GRM7: variants seen among roughly 807,000 people sequenced by gnomAD.
The protein encoded by GRM7 is metabotropic glutamate receptor 7.
GRM7 carries 35 observed loss-of-function variants against 84.5 expected under a neutral mutation model. That is an observed-to-expected ratio of 0.41 (90% CI 0.32 to 0.55). GRM7 has a LOEUF of 0.55. GRM7 is among the 20% of genes least tolerant of loss of function. The probability of loss-of-function intolerance (pLI) is 0.19; values close to 1 mark genes in which losing one functional copy is unlikely to be tolerated. For synonymous variants in GRM7, 487 were observed against 455.1 expected (o/e 1.07, Z -0.89); for missense variants, 1,003 against 1,194.6 (o/e 0.84, Z 2.36).
intron 2 of GRM7, among the ~76,000 whole-genome samples, chr3:7,259,648 A>T (rs1698333931): frequency 6.6e-6 from 1 of 152,214 alleles, no homozygotes; most frequent in Non-Finnish European, 1.5e-5. Flanking sequence ...ATAGTATTAG[A>T]TGGTGTATAT....
chr3:7,627,158 T>C (rs1697653395), intron 8 of GRM7, among the ~76,000 whole-genome samples: 1 of 152,178 alleles, frequency 6.6e-6, no homozygotes, highest in Admixed American at 6.5e-5. Flanking sequence ...AAACAGAGAT[T>C]GGAAGAGCTA....
At chr3:7,548,990 T>G (rs112751153) in intron 7 of GRM7, among the ~76,000 whole-genome samples, 203 of 152,346 alleles carry the variant, frequency 1.3e-3, no homozygotes, top group Middle Eastern at 3.4e-3. Flanking sequence ...TACTCAGTTT[T>G]CCCAAAGTTT....
chr3:7,588,701 C>G (rs1046310806), intron 8 of GRM7, among the ~76,000 whole-genome samples: 2 of 152,106 alleles, frequency 1.3e-5, no homozygotes, highest in African/African-American at 4.8e-5. Context: ...TTGAAGCTCT[C>G]GATGTCTCTA....
chr3:7,430,996 C>A lies in GRM7; in HGVS notation c.1174+15833C>A, dbSNP rs115884481. Among the ~76,000 whole-genome samples the A allele has an allele frequency of 2.8e-3, 428 of 152,204 alleles. 2 individuals are homozygous for A. The highest frequency in any genetic ancestry group is 9.8e-3 in the African/African-American group (406 of 41,536). ...CCACCTAGACCACTCTGCATTACCC[C>A]CACTGGACTTGAGGGAGTTGTGGGG... On this transcript the variant is annotated intron_variant, in intron 5 of 9. Transcript: ENST00000357716.
intron 2 of GRM7, among the ~76,000 whole-genome samples, chr3:7,295,828 G>T (rs6768211): frequency 1.0e-4 from 11 of 108,180 alleles, no homozygotes; most frequent in Admixed American, 4.0e-4. Flanking sequence ...GCTTTTTTTT[G>T]GGGGGGGGAT....
At chr3:7,108,859 G>A (rs1428084650) in intron 1 of GRM7, among the ~76,000 whole-genome samples, 1 of 152,090 alleles carries the variant, frequency 6.6e-6, no homozygotes, top group Non-Finnish European at 1.5e-5. Context: ...TGCAGATAAA[G>A]TTTCCAATTT....
chr3:6,888,104 G>T lies in GRM7; in HGVS notation c.519+26197G>T, dbSNP rs532878895. 7.6e-3 allele frequency among the ~76,000 whole-genome samples: 1,151 copies of T among 151,822 alleles called. 12 individuals are homozygous for T. Among genetic ancestry groups the T allele is most frequent in the African/African-American group, 0.026 (1,063 of 41,416 alleles). ...TTTGTTTTTTTCTTGTAAATTTGTT[G>T]GAGTTCATTGTAGATTCTGGATATT... is the stretch of plus-strand genomic sequence containing the variant. On this transcript the variant is annotated intron_variant, in intron 1 of 9. Coordinates refer to ENST00000357716, the MANE Select transcript of GRM7 (RefSeq NM_000844.4).
intron 2 of GRM7, among the ~76,000 whole-genome samples, chr3:7,246,176 A>G (rs1697751445): frequency 6.6e-6 from 1 of 152,096 alleles, no homozygotes; most frequent in Admixed American, 6.6e-5. Flanking sequence ...TAGAAGTCAC[A>G]ATTACTAGGT....
chr3:6,916,244 G>A (rs1290360299), intron 1 of GRM7, among the ~76,000 whole-genome samples: 1 of 152,098 alleles, frequency 6.6e-6, no homozygotes, highest in Admixed American at 6.6e-5. Context: ...TGGTACTAAA[G>A]GTACCCACAG....
At chr3:7,583,617 A>G (rs550744045) in intron 8 of GRM7, among the ~76,000 whole-genome samples, 82 of 152,324 alleles carry the variant, frequency 5.4e-4, no homozygotes, top group Admixed American at 1.6e-3. Context: ...AAAACCAATG[A>G]TAGTTTTCGT....
intron 1 of GRM7, among the ~76,000 whole-genome samples, chr3:6,995,750 G>T (rs968134044): frequency 2.0e-5 from 3 of 152,032 alleles, no homozygotes; most frequent in African/African-American, 7.2e-5. Context: ...AAAAAGAAAA[G>T]AAATTATTTT....
chr3:7,386,782 C>G (rs972887896), intron 4 of GRM7, among the ~76,000 whole-genome samples: 1 of 152,124 alleles, frequency 6.6e-6, no homozygotes, highest in Non-Finnish European at 1.5e-5. Context: ...TGGGCATACA[C>G]CCAGTAATTG....
chr3:7,279,097 C>T (rs1289082810), intron 2 of GRM7, among the ~76,000 whole-genome samples: 2 of 151,912 alleles, frequency 1.3e-5, no homozygotes, highest in African/African-American at 4.8e-5. Flanking sequence ...GATAAGAAAA[C>T]GGTATATTAC....
chr3:7,309,118 G>T (rs1449621534), intron 4 of GRM7, among the ~76,000 whole-genome samples: 2 of 152,152 alleles, frequency 1.3e-5, no homozygotes, highest in African/African-American at 2.4e-5. Flanking sequence ...GTACAAAAAT[G>T]CTGTGGCTTC....
intron 5 of GRM7, among the ~76,000 whole-genome samples, chr3:7,427,268 A>G (rs1045263458): frequency 6.6e-6 from 1 of 152,210 alleles, no homozygotes; most frequent in Non-Finnish European, 1.5e-5. Context: ...GAGAACTAAG[A>G]AATGTATTGG....
At chr3:7,729,678 C>T (rs1414210910) in intron 9 of GRM7, among the ~76,000 whole-genome samples, 2 of 151,924 alleles carry the variant, frequency 1.3e-5, no homozygotes, top group Non-Finnish European at 1.5e-5. Flanking sequence ...AATATAAGTG[C>T]CGTGAATAAA....
intron 2 of GRM7, among the ~76,000 whole-genome samples, chr3:7,284,127 A>G (rs1699345467): frequency 6.6e-6 from 1 of 152,168 alleles, no homozygotes; most frequent in Non-Finnish European, 1.5e-5. Context: ...GTTTGAAGGA[A>G]ATTGAGAGAA....
intron 2 of GRM7, among the ~76,000 whole-genome samples, chr3:7,183,814 A>G (rs116072676): frequency 1.3e-3 from 196 of 152,224 alleles, no homozygotes; most frequent in African/African-American, 4.5e-3. Flanking sequence ...AGATACATGC[A>G]CACACACACA....
intron 4 of GRM7, among the ~76,000 whole-genome samples, chr3:7,404,876 C>A (rs761795017): frequency 6.6e-6 from 1 of 151,932 alleles, no homozygotes; most frequent in African/African-American, 2.4e-5. Flanking sequence ...TGCAATACAC[C>A]CTATTGGTCT....
Sources: gnomAD v4.1 joint callset for allele counts (sites outside exome capture counted in the v4.1 genomes callset) on GRCh38, gnomAD v4.1.1 for gene constraint, MANE v1.5 for transcripts, NCBI Gene and HGNC (gene_info 2026-07-23, HGNC 2026-07-21) for gene names.